STAC2: variants seen among roughly 807,000 people sequenced by gnomAD.
STAC2 encodes SH3 and cysteine-rich domain-containing protein 2.
Under a neutral mutation model 49.0 loss-of-function variants are expected in STAC2, and 36 were observed. That is an observed-to-expected ratio of 0.74 (90% confidence interval 0.56 to 0.97). The LOEUF (loss-of-function observed/expected upper bound fraction) is 0.97. Ranked by LOEUF, STAC2 falls within the 50% of genes least tolerant of loss-of-function variation. The pLI is 0.00. For synonymous variants in STAC2, 239 were observed against 214.7 expected (o/e 1.11, Z -0.99); for missense variants, 527 against 543.8 (o/e 0.97, Z 0.31).
At chr17:39,214,930 T>A in intron 6 of STAC2, 21 bp downstream of exon 6, 2 of 1,613,988 alleles carry the variant, frequency 1.2e-6, no homozygotes, top group Non-Finnish European at 1.7e-6. Flanking sequence ...ATTCCTGCCC[T>A]TGATGCCCAC....
intron 1 of STAC2, among the ~76,000 whole-genome samples, chr17:39,221,085 C>G (rs1398684522): frequency 1.3e-5 from 2 of 151,160 alleles, no homozygotes; most frequent in African/African-American, 4.9e-5. Context: ...CGTGAGCCAC[C>G]ATGCCTGCCC....
intron 2 of STAC2, 42 bp downstream of exon 2, chr17:39,217,825 G>T (rs375955630): frequency 6.4e-7 from 1 of 1,561,006 alleles, no homozygotes; most frequent in Non-Finnish European, 8.7e-7. Flanking sequence ...CAGTACCCAC[G>T]CTGGCCCCTC....
At chr17:39,217,822 C>T (rs1597734245) in intron 2 of STAC2, 45 bp downstream of exon 2, 1 of 1,557,300 alleles carries the variant, frequency 6.4e-7, no homozygotes, top group African/African-American at 1.4e-5. Context: ...CCCCAGTACC[C>T]ACGCTGGCCC....
At chr17:39,224,563 G>T (rs1283866684) in intron 1 of STAC2, among the ~76,000 whole-genome samples, 1 of 152,344 alleles carries the variant, frequency 6.6e-6, no homozygotes. Context: ...TCTGGGCTCC[G>T]CCTGCCTTCG....
rs1277134871 is a variant in STAC2, at chr17:39,213,507, C to T, written c.993G>A (p.Lys331=). 2 of 1,613,642 alleles carry T rather than the reference C, an allele frequency of 1.2e-6. No homozygotes were observed. Among genetic ancestry groups the T allele is most frequent in the Non-Finnish European group, 1.7e-6 (2 of 1,179,718 alleles). The change falls in exon 9 of 11, where the codon AAG becomes AAA. Residue 331 remains lysine (K), a splice_region_variant and synonymous_variant. Coordinates refer to ENST00000333461, the MANE Select transcript of STAC2 (RefSeq NM_198993.5). ...TCCACTCCCCACCCTGCCAAGTCAC[C>T]TTCCACCAGTCCTCGTTAGAGTCAT... The part of the protein sequence containing the change: ...LVDDSNEDWW[K]GKIGDRVGFF...
Position 39,215,177 on chromosome 17 carries a change from G to A in STAC2, c.640C>T (p.Leu214=). 7 of 1,614,110 alleles carry A rather than the reference G, an allele frequency of 4.3e-6. No homozygotes were observed. Among genetic ancestry groups the A allele is most frequent in the Non-Finnish European group, 5.9e-6 (7 of 1,180,024 alleles). ...AAACTGGAGCGGTTCATCAGTGCCAGGGAGGTGCCATAGCGCAGGGTCTCG... is the reference window on the plus strand; with the variant it reads ...AAACTGGAGCGGTTCATCAGTGCCAAGGAGGTGCCATAGCGCAGGGTCTCG... The part of the protein sequence containing the change: ...VYETLRYGTS[L]ALMNRSSFSS... The change falls in exon 5 of 11, where the codon CTG becomes TTG. Residue 214 remains leucine, a synonymous_variant. Transcript: ENST00000333461.
intron 10 of STAC2, 51 bp downstream of exon 10, chr17:39,212,944 G>A (rs576667507): frequency 3.8e-5 from 60 of 1,598,544 alleles, no homozygotes; most frequent in African/African-American, 2.0e-4. Flanking sequence ...TGTCTCCCCC[G>A]CCCACTCCCT....
At chr17:39,213,326 G>A (rs16550) in intron 9 of STAC2, among the ~76,000 whole-genome samples, 181 bp downstream of exon 9, 4,774 of 152,296 alleles carry the variant, frequency 0.031, 239 homozygotes, top group African/African-American at 0.11. Context: ...ACAAAGCTGA[G>A]GCAAGGAGAG....
chr17:39,218,887 G>C (rs932003321), intron 1 of STAC2, among the ~76,000 whole-genome samples: 2 of 152,066 alleles, frequency 1.3e-5, no homozygotes, highest in South Asian at 2.1e-4. Context: ...CTGTGTTCTC[G>C]AACAGGCTGG....
rs1037366107 is a variant in STAC2, at chr17:39,214,957, C to G, written c.766G>C (p.Asp256His). 2.2e-5 allele frequency: 36 copies of G among 1,614,020 alleles called. No individual in the cohort carries two copies. The Admixed American group carries it at 3.3e-4, about 15-fold the overall frequency. Residue 256 changes from aspartate to histidine, a missense_variant, in exon 6 of 11, where the codon GAC (aspartate) becomes CAC (histidine). By Grantham distance (81) the Asp-to-His change is moderately conservative. Transcript: ENST00000333461. The part of the protein sequence containing the change: ...SIRSSEEGPG[D>H]SASPVFTAPA... ...GATGCCCACCACCACTCACCACTGT[C>G]ACCAGGCCCCTCCTCAGAGCTGCGG... is the stretch of plus-strand genomic sequence containing the variant.
In STAC2 at chr17:39,214,962, G is replaced by C; in HGVS notation, c.761C>G (p.Pro254Arg). ...EGSIRSSEEG[P>R]GDSASPVFTA... ...CCACCACCACTCACCACTGTCACCA[G>C]GCCCCTCCTCAGAGCTGCGGATGCT... Residue 254 changes from proline to arginine, a missense_variant, in exon 6 of 11, where the codon CCT becomes CGT. By Grantham distance (103) the Pro-to-Arg change is moderately radical (BLOSUM62 -2). Transcript: ENST00000333461. 6.2e-7 allele frequency: 1 copy of C among 1,614,064 alleles called. No individual in the cohort carries two copies. The highest frequency in any genetic ancestry group is 8.5e-7 in the Non-Finnish European group (1 of 1,179,996).
rs1419842382 is a variant in STAC2 at position 39,220,889 on chromosome 17, C to T, written c.91-2716G>A. ...TTGGCTCACTGCAAGCTCCGCCTCC[C>T]GGGTACACGCCATTCTCCTGCCTCA... On this transcript the variant is annotated intron_variant, in intron 1 of 10. Coordinates refer to ENST00000333461, the MANE Select transcript of STAC2 (RefSeq NM_198993.5). Among the ~76,000 whole-genome samples, 13 of 151,494 alleles carry T rather than the reference C, an allele frequency of 8.6e-5. 1 individual carries two copies. In the East Asian group the frequency reaches 1.9e-3, roughly 23 times the overall value.
chr17:39,222,902 TG>T (rs1206709361), intron 1 of STAC2, among the ~76,000 whole-genome samples: 2 of 152,204 alleles, frequency 1.3e-5, no homozygotes, highest in Admixed American at 1.3e-4. Context: ...CAGTGGGTGG[TG>T]GCAGACGTGG....
chr17:39,215,083 C>T (rs1241596836), intron 5 of STAC2, 35 bp downstream of exon 5: 3 of 1,613,920 alleles, frequency 1.9e-6, no homozygotes, highest in Admixed American at 1.7e-5. Flanking sequence ...TCAGACACCC[C>T]TCCCCAAAAG....
At chr17:39,217,705 A>T (rs2046417914) in intron 2 of STAC2, among the ~76,000 whole-genome samples, 162 bp downstream of exon 2, 1 of 152,014 alleles carries the variant, frequency 6.6e-6, no homozygotes, top group Admixed American at 6.5e-5. Flanking sequence ...CCTGGGAGAC[A>T]GAGCAAGACT....
chr17:39,223,414 G>A (rs2046480656), intron 1 of STAC2, among the ~76,000 whole-genome samples: 1 of 152,234 alleles, frequency 6.6e-6, no homozygotes, highest in African/African-American at 2.4e-5. Context: ...GATGTATAGG[G>A]GAGGGGCGGA....
intron 1 of STAC2, among the ~76,000 whole-genome samples, chr17:39,223,808 G>A: frequency 6.6e-6 from 1 of 152,182 alleles, no homozygotes; most frequent in Non-Finnish European, 1.5e-5. Context: ...GAAATCAGGG[G>A]CATTGGAACT....
chr17:39,213,453 G>C (rs564518873), intron 9 of STAC2, 54 bp downstream of exon 9: 2 of 1,606,022 alleles, frequency 1.2e-6, no homozygotes, highest in Non-Finnish European at 8.5e-7. Flanking sequence ...ATTGGGGGTG[G>C]GGGCTGCTGG....
Position 39,225,278 on chromosome 17 carries a change from G to C in STAC2, c.90+135C>G, listed in dbSNP as rs2046501333. On this transcript the variant is annotated intron_variant, in intron 1 of 10. Coordinates refer to ENST00000333461, the MANE Select transcript of STAC2 (RefSeq NM_198993.5). This position sits in a 1 kb window ranked among gnomAD's most constrained non-coding sequence, Gnocchi z 8.2. The stretch of plus-strand genomic sequence containing the variant: ...GTCGCCAACCCACTCCTACCCCCGG[G>C]AGCGGCGCGGAGCCTCAGTGGTCAC... 1.5e-6 allele frequency: 1 copy of C among 681,386 alleles called. No individual in the cohort carries two copies. The highest frequency in any genetic ancestry group is 1.9e-5 in the African/African-American group (1 of 51,426). The allele number at this position is 681,386 out of a possible 1,614,324, so 42.2% of individuals were successfully genotyped here.
Sources: allele counts gnomAD v4.1 joint callset (sites outside exome capture counted in the v4.1 genomes callset), GRCh38; gene constraint gnomAD v4.1.1; non-coding constraint Gnocchi (gnomAD v3.1); transcripts MANE v1.5; gene names NCBI Gene and HGNC (gene_info 2026-07-23, HGNC 2026-07-21).